CAMKMT: variants seen among roughly 807,000 people sequenced by gnomAD.
CAMKMT encodes the protein calmodulin-lysine N-methyltransferase.
Under a neutral mutation model 48.0 loss-of-function variants are expected in CAMKMT, and 53 were observed. That is an observed-to-expected ratio of 1.10 (90% CI 0.89 to 1.39). The LOEUF (loss-of-function observed/expected upper bound fraction) is 1.39. Ranked by LOEUF, CAMKMT falls within the 40% of genes most tolerant of loss-of-function variation. The pLI, the probability that CAMKMT is intolerant of heterozygous loss-of-function variation, is 0.00. For synonymous variants in CAMKMT, 165 were observed against 152.3 expected, an observed-to-expected ratio of 1.08 and a Z score of -0.61; for missense variants, 428 against 402.7, an observed-to-expected ratio of 1.06 and a Z score of -0.54.
chr2:44,458,293 C>T (rs1167908833), intron 3 of CAMKMT, among the ~76,000 whole-genome samples: 5 of 152,046 alleles, frequency 3.3e-5, no homozygotes, highest in Non-Finnish European at 5.9e-5. Context: ...GTGATCCGCC[C>T]GCCTCGGCCT....
At position 44,640,983 on chromosome 2, in the gene CAMKMT, GC is replaced by G. The variant is rs1345001740; in HGVS notation, c.377-63299del. 9.2e-5 allele frequency among the ~76,000 whole-genome samples: 14 copies of G among 152,272 alleles called. No individual in the cohort carries two copies. The Middle Eastern group carries it at 0.014, about 148-fold the overall frequency. Reference sequence around the variant, plus strand: ...GAGTGACCAAGGCCACTTGGTTCCAGCGTCATGAAGTGGTGCCTCCCTCCTT... The same window carrying G: ...GAGTGACCAAGGCCACTTGGTTCCAGGTCATGAAGTGGTGCCTCCCTCCTT... On this transcript the variant is annotated intron_variant, in intron 3 of 10. Transcript: ENST00000378494.
intron 3 of CAMKMT, among the ~76,000 whole-genome samples, chr2:44,443,159 T>C (rs1215009715): frequency 2.0e-5 from 3 of 152,150 alleles, no homozygotes; most frequent in African/African-American, 7.2e-5. Flanking sequence ...TGTGAAAAAA[T>C]GTTCGTATCA....
chr2:44,612,660 G>C (rs1461608301), intron 3 of CAMKMT, among the ~76,000 whole-genome samples: 1 of 152,058 alleles, frequency 6.6e-6, no homozygotes, highest in African/African-American at 2.4e-5. Context: ...CTTGCATTTG[G>C]ACCAGCCCAC....
intron 3 of CAMKMT, among the ~76,000 whole-genome samples, chr2:44,679,563 G>A (rs529157998): frequency 9.2e-5 from 14 of 152,254 alleles, no homozygotes; most frequent in African/African-American, 2.4e-4. Flanking sequence ...CCCTTGGCAC[G>A]GAAGTTCCTA....
intron 3 of CAMKMT, among the ~76,000 whole-genome samples, chr2:44,394,353 T>G (rs1343657250): frequency 1.3e-5 from 2 of 152,098 alleles, no homozygotes; most frequent in East Asian, 3.8e-4. Context: ...GAGGAATTTG[T>G]AGACCCTCTG....
At chr2:44,383,356 G>A (rs148171803) in intron 2 of CAMKMT, among the ~76,000 whole-genome samples, 3,591 of 151,950 alleles carry the variant, frequency 0.024, 161 homozygotes, top group African/African-American at 0.083. Flanking sequence ...TTAGAGATGA[G>A]GTTTCACCAT....
intron 3 of CAMKMT, among the ~76,000 whole-genome samples, chr2:44,448,115 C>T (rs1667102206): frequency 6.6e-6 from 1 of 152,094 alleles, no homozygotes; most frequent in Non-Finnish European, 1.5e-5. Context: ...TCCCTTGGTA[C>T]ATGTGGGGAA....
At chr2:44,655,419 G>T (rs904869773) in intron 3 of CAMKMT, among the ~76,000 whole-genome samples, 1 of 152,156 alleles carries the variant, frequency 6.6e-6, no homozygotes, top group Admixed American at 6.5e-5. Flanking sequence ...ACATGAGGCA[G>T]TTTCTTGCTG....
chr2:44,414,940 G>A (rs1404947780), intron 3 of CAMKMT, among the ~76,000 whole-genome samples: 1 of 152,188 alleles, frequency 6.6e-6, no homozygotes, highest in Non-Finnish European at 1.5e-5. Context: ...CGGATCACGA[G>A]GTCAAGAGAT....
intron 3 of CAMKMT, among the ~76,000 whole-genome samples, chr2:44,425,159 T>A (rs994540001): frequency 6.6e-6 from 1 of 152,040 alleles, no homozygotes. Flanking sequence ...ATAAAATAAT[T>A]AAAAATAAAC....
At chr2:44,622,405 A>G (rs978517242) in intron 3 of CAMKMT, among the ~76,000 whole-genome samples, 13 of 152,222 alleles carry the variant, frequency 8.5e-5, no homozygotes, top group African/African-American at 2.2e-4. Context: ...GACATATTGC[A>G]TGATGCTGAG....
At chr2:44,426,708 T>C (rs896956344) in intron 3 of CAMKMT, among the ~76,000 whole-genome samples, 3 of 152,182 alleles carry the variant, frequency 2.0e-5, no homozygotes, top group African/African-American at 7.2e-5. Flanking sequence ...TCCATGCTCA[T>C]GTACTGGAAG....
intron 3 of CAMKMT, among the ~76,000 whole-genome samples, chr2:44,600,584 C>T (rs1000536934): frequency 6.6e-6 from 1 of 152,054 alleles, no homozygotes; most frequent in Non-Finnish European, 1.5e-5. Flanking sequence ...AAGTTTTTGA[C>T]AGAAACCTTT....
chr2:44,364,011 CTTT>C (rs10710503), intron 1 of CAMKMT, among the ~76,000 whole-genome samples: 3 of 85,662 alleles, frequency 3.5e-5, no homozygotes, highest in Non-Finnish European at 6.6e-5. Flanking sequence ...CCCACCCTTC[CTTT>C]TTTTTTTTTT....
intron 2 of CAMKMT, among the ~76,000 whole-genome samples, chr2:44,381,176 T>A (rs996634803): frequency 6.6e-6 from 1 of 151,950 alleles, no homozygotes; most frequent in Non-Finnish European, 1.5e-5. Context: ...GAAATAATGC[T>A]TTCCAGAATG....
chr2:44,627,587 C>T (rs1672557776), intron 3 of CAMKMT, among the ~76,000 whole-genome samples: 1 of 150,152 alleles, frequency 6.7e-6, no homozygotes, highest in Non-Finnish European at 1.5e-5. Flanking sequence ...AGATTTTTTA[C>T]TTCTTCTTGT....
intron 3 of CAMKMT, among the ~76,000 whole-genome samples, chr2:44,641,717 C>T (rs2104002595): frequency 1.1e-5 from 1 of 94,572 alleles, no homozygotes; most frequent in East Asian, 2.2e-4. Context: ...GTCACCAAAC[C>T]AAAATAACTT....
intron 3 of CAMKMT, among the ~76,000 whole-genome samples, chr2:44,501,792 C>T (rs1426302744): frequency 1.3e-5 from 2 of 151,456 alleles, no homozygotes; most frequent in African/African-American, 2.4e-5. Flanking sequence ...GCAGGAGTTT[C>T]GCTTGAGCCC....
At chr2:44,689,046 C>T (rs1044441781) in intron 3 of CAMKMT, among the ~76,000 whole-genome samples, 3 of 152,080 alleles carry the variant, frequency 2.0e-5, no homozygotes, top group African/African-American at 7.2e-5. Flanking sequence ...CAGGAAAATG[C>T]TTTAGAAATC....
Sources: allele counts gnomAD v4.1 joint callset (sites outside exome capture counted in the v4.1 genomes callset), GRCh38; gene constraint gnomAD v4.1.1; transcripts MANE v1.5; gene names NCBI Gene and HGNC (gene_info 2026-07-23, HGNC 2026-07-21).